HS3ST1: variants seen among roughly 807,000 people sequenced by gnomAD.
The protein encoded by HS3ST1 is heparan sulfate glucosamine 3-O-sulfotransferase 1.
Under a neutral mutation model 20.7 loss-of-function variants are expected in HS3ST1, and 8 were observed. The ratio of observed to expected loss-of-function variants is 0.39; its 90% CI spans 0.23 to 0.70. HS3ST1 has a LOEUF of 0.70. HS3ST1 is among the 30% of genes least tolerant of loss of function. The probability of loss-of-function intolerance (pLI) is 0.46; values close to 1 mark genes in which losing one functional copy is unlikely to be tolerated. For synonymous variants in HS3ST1, 205 were observed against 190.4 expected (o/e 1.08, Z -0.63); for missense variants, 436 against 423.4 (o/e 1.03, Z -0.26).
chr4:11,393,171 A>C lies in HS3ST1; in HGVS notation c.*5911T>G, dbSNP rs1407306738. ...TGTATTAGTTCTAAGTGGAATATTT[A>C]TCAAACAATAGAAATACAAGATGTT... On this transcript the variant is annotated 3_prime_UTR_variant, in exon 2 of 2. Transcript: ENST00000002596. The C allele has an allele frequency of 6.6e-6, 1 of 152,256 alleles. No homozygotes were observed. The highest frequency in any genetic ancestry group is 1.5e-5 in the Non-Finnish European group (1 of 68,046). The allele number at this position is 152,256 out of a possible 1,614,324, so 9.4% of individuals were successfully genotyped here.
chr4:11,411,632 CTTA>C (rs1217965058), intron 1 of HS3ST1, among the ~76,000 whole-genome samples: 9 of 152,158 alleles, frequency 5.9e-5, no homozygotes, highest in Non-Finnish European at 1.3e-4. Context: ...CTTGTTATCT[CTTA>C]TTATAATTAC....
intron 1 of HS3ST1, among the ~76,000 whole-genome samples, chr4:11,409,726 A>G (rs1446803048): frequency 1.3e-5 from 2 of 152,276 alleles, no homozygotes; most frequent in Non-Finnish European, 2.9e-5. Flanking sequence ...CAGAATAATT[A>G]GTAAAGCAAA....
chr4:11,401,783 C>T (rs1343245150), intron 1 of HS3ST1, among the ~76,000 whole-genome samples: 1 of 152,252 alleles, frequency 6.6e-6, no homozygotes, highest in African/African-American at 2.4e-5. Context: ...AAAACTTCTC[C>T]TCTTTACCTA....
intron 1 of HS3ST1, among the ~76,000 whole-genome samples, chr4:11,420,151 T>C (rs923178427): frequency 5.3e-5 from 8 of 152,202 alleles, no homozygotes; most frequent in African/African-American, 1.2e-4. Context: ...GTCACTGATA[T>C]TACACGCAAC....
In HS3ST1 at chr4:11,397,026, C is replaced by G. The variant is rs1243013136; in HGVS notation, c.*2056G>C. The G allele has an allele frequency of 6.6e-6, 1 of 152,262 alleles. No homozygotes were observed. Among genetic ancestry groups the G allele is most frequent in the Non-Finnish European group, 1.5e-5 (1 of 68,068 alleles). 9.4% of individuals were successfully genotyped at this position (152,262 alleles called of 1,614,324 possible). On this transcript the variant is annotated 3_prime_UTR_variant, in exon 2 of 2. Transcript: ENST00000002596. ...AGCATCTTCTTCAGTCAGAGACTCT[C>G]ATTGCAGTTTCCTTTCAGTCACCAT...
At chr4:11,426,595 G>GTA (rs1719068006) in intron 1 of HS3ST1, among the ~76,000 whole-genome samples, 1 of 152,114 alleles carries the variant, frequency 6.6e-6, no homozygotes. Context: ...ACAGAGCATT[G>GTA]TATACCCTGT....
Position 11,399,280 on chromosome 4 carries a change from A to G in HS3ST1, c.726T>C (p.Asn242=). The G allele has an allele frequency of 1.2e-6, 2 of 1,614,188 alleles. No individual in the cohort carries two copies. The highest frequency in any genetic ancestry group is 1.7e-6 in the Non-Finnish European group (2 of 1,180,030). The part of the protein sequence containing the change: ...ERFLKLSPQI[N]ASNFYFNKTK... ...TTTTGTTAAAGTAGAAGTTCGAAGC[A>G]TTGATCTGCGGCGACAGCTTTAGGA... The change falls in exon 2 of 2, where the codon AAT becomes AAC. Residue 242 remains asparagine (N), a synonymous_variant. Coordinates refer to ENST00000002596, the MANE Select transcript of HS3ST1 (RefSeq NM_005114.4). The surrounding 1 kb of genome is among the most constrained non-coding windows in gnomAD (Gnocchi z 5.1).
At chr4:11,425,749 ACTTT>A (rs1462730633) in intron 1 of HS3ST1, among the ~76,000 whole-genome samples, 63 of 152,276 alleles carry the variant, frequency 4.1e-4, no homozygotes, top group Non-Finnish European at 5.9e-5. Context: ...ACATTTTCTC[ACTTT>A]CTTATAATAA....
chr4:11,427,374 G>C (rs2108892862), intron 1 of HS3ST1, among the ~76,000 whole-genome samples: 1 of 152,232 alleles, frequency 6.6e-6, no homozygotes, highest in East Asian at 1.9e-4. Context: ...GGCTAGGGCT[G>C]AGGGAGGAGA....
chr4:11,399,994 C>A lies in HS3ST1; in HGVS notation c.12G>T (p.Leu4=). 1 of 1,522,770 alleles carries A rather than the reference C, an allele frequency of 6.6e-7. No individual in the cohort carries two copies. The highest frequency in any genetic ancestry group is 8.8e-7 in the Non-Finnish European group (1 of 1,138,666). The allele number at this position is 1,522,770 out of a possible 1,614,324, so 94.3% of individuals were successfully genotyped here. A position where few individuals can be genotyped will look rare whatever the true frequency, so the allele number is the denominator to read the frequency against. ...CCACCAGCAGCACCGCGCCCAGGAG[C>A]AGCGCGGCCATGCTGGACACCACGG... MAA[L]LLGAVLLVAQ... Residue 4 remains leucine, a synonymous_variant, in exon 2 of 2, where the codon CTG becomes CTT. Transcript: ENST00000002596. This position sits in a 1 kb window ranked among gnomAD's most constrained non-coding sequence, Gnocchi z 5.1.
intron 1 of HS3ST1, among the ~76,000 whole-genome samples, chr4:11,409,453 C>T (rs1389180868): frequency 1.3e-5 from 2 of 152,040 alleles, no homozygotes; most frequent in East Asian, 1.9e-4. Context: ...TCCATTCTGA[C>T]AAGATTGGTG....
chr4:11,432,662 A>G (rs1476483802), upstream of HS3ST1, among the ~76,000 whole-genome samples: 1 of 152,248 alleles, frequency 6.6e-6, no homozygotes, highest in African/African-American at 2.4e-5. Context: ...TGACCAAAAC[A>G]AAGAGAGCAT....
intron 1 of HS3ST1, among the ~76,000 whole-genome samples, chr4:11,402,573 G>T (rs1168739487): frequency 6.6e-6 from 1 of 152,164 alleles, no homozygotes; most frequent in African/African-American, 2.4e-5. Flanking sequence ...GTATGTGTAT[G>T]CATGCATGTG....
chr4:11,404,003 C>T lies in HS3ST1; in HGVS notation c.-108-3890G>A, dbSNP rs574378443. On this transcript the variant is annotated intron_variant, in intron 1 of 1. Transcript: ENST00000002596. ...ATTTTAAAACATATATTCTACATAG[C>T]TTAATAGATCTAAAGTGTTATCACT... is the stretch of plus-strand genomic sequence containing the variant. Among the ~76,000 whole-genome samples the T allele has an allele frequency of 5.3e-4, 81 of 152,280 alleles. 1 individual carries two copies. Among genetic ancestry groups the T allele is most frequent in the Admixed American group, 3.9e-3 (59 of 15,294 alleles).
At chr4:11,408,245 G>T (rs1225001210) in intron 1 of HS3ST1, among the ~76,000 whole-genome samples, 1 of 152,128 alleles carries the variant, frequency 6.6e-6, no homozygotes, top group African/African-American at 2.4e-5. Flanking sequence ...TATTTACTGT[G>T]AGGATTAAAT....
intron 1 of HS3ST1, among the ~76,000 whole-genome samples, chr4:11,420,986 AG>A (rs1331013168): frequency 6.6e-6 from 1 of 152,220 alleles, no homozygotes; most frequent in Non-Finnish European, 1.5e-5. Context: ...GAAATTTTAG[AG>A]AAACATGACA....
At chr4:11,409,923 C>A (rs555001372) in intron 1 of HS3ST1, among the ~76,000 whole-genome samples, 35 of 152,282 alleles carry the variant, frequency 2.3e-4, no homozygotes, top group Non-Finnish European at 1.0e-4. Flanking sequence ...TGTCAGAGAC[C>A]AGGGACCAGA....
At chr4:11,415,054 A>C (rs1161979546) in intron 1 of HS3ST1, among the ~76,000 whole-genome samples, 1 of 152,230 alleles carries the variant, frequency 6.6e-6, no homozygotes, top group Non-Finnish European at 1.5e-5. Flanking sequence ...TGTGGAATAG[A>C]CATTATTTCA....
chr4:11,393,772 C>T lies in HS3ST1; in HGVS notation c.*5310G>A, dbSNP rs1168813660. 1 of 152,224 alleles carries T rather than the reference C, an allele frequency of 6.6e-6. No individual in the cohort carries two copies. The highest frequency in any genetic ancestry group is 1.5e-5 in the Non-Finnish European group (1 of 68,056). The allele number at this position is 152,224 out of a possible 1,614,324, so 9.4% of individuals were successfully genotyped here. On this transcript the variant is annotated 3_prime_UTR_variant, in exon 2 of 2. Transcript: ENST00000002596. ...TTACCCTACTACCCCCATGCCCCAT[C>T]CCACATGGGTCAGTCAATCATTAGT...
Sources: gnomAD v4.1 joint callset for allele counts (sites outside exome capture counted in the v4.1 genomes callset) on GRCh38, gnomAD v4.1.1 for gene constraint, Gnocchi (gnomAD v3.1) non-coding constraint, MANE v1.5 for transcripts, NCBI Gene and HGNC (gene_info 2026-07-23, HGNC 2026-07-21) for gene names.